NDUFAF2: variants seen among roughly 807,000 people sequenced by gnomAD.
The protein encoded by NDUFAF2 is NADH:ubiquinone oxidoreductase complex assembly factor 2.
Under a neutral mutation model 22.8 loss-of-function variants are expected in NDUFAF2, and 13 were observed. That is an observed-to-expected ratio of 0.57 (90% CI 0.37 to 0.91). The LOEUF (loss-of-function observed/expected upper bound fraction) is 0.91. NDUFAF2 is among the 40% of genes least tolerant of loss of function. The pLI is 0.01. For synonymous variants in NDUFAF2, 53 were observed against 64.2 expected (o/e 0.83, Z 0.84); for missense variants, 162 against 195.2 (o/e 0.83, Z 1.01).
chr5:61,061,078 C>T (rs2111714505), intron 1 of NDUFAF2, among the ~76,000 whole-genome samples: 1 of 152,220 alleles, frequency 6.6e-6, no homozygotes, highest in Middle Eastern at 3.4e-3. Flanking sequence ...TACAGGGTCA[C>T]TGAAACCCTA....
At chr5:61,029,555 T>C (rs1751697678) in intron 1 of NDUFAF2, among the ~76,000 whole-genome samples, 1 of 152,170 alleles carries the variant, frequency 6.6e-6, no homozygotes, top group African/African-American at 2.4e-5. Flanking sequence ...GCATTTTTTT[T>C]CCTGGCTCTG....
At chr5:61,111,749 G>A (rs1208424334) in intron 3 of NDUFAF2, among the ~76,000 whole-genome samples, 3 of 152,000 alleles carry the variant, frequency 2.0e-5, no homozygotes, top group East Asian at 1.9e-4. Context: ...CTCCTGAGTA[G>A]CTGGGACTAC....
intron 1 of NDUFAF2, among the ~76,000 whole-genome samples, chr5:61,010,591 A>G (rs147426473): frequency 6.6e-6 from 1 of 151,994 alleles, no homozygotes; most frequent in African/African-American, 2.4e-5. Flanking sequence ...ATATGTTCTC[A>G]TAGTTCTTTT....
Position 61,152,706 on chromosome 5 carries a change from A to G in NDUFAF2, c.261A>G (p.Glu87=). ...RTRKTPPTME[E]ILKNEKHREE... ...CTTCCATTTATATATACATGCAGGA[A>G]ATACTAAAGAATGAAAAACACAGAG... Residue 87 remains glutamate, a splice_region_variant and synonymous_variant, in exon 4 of 4, where the codon GAA becomes GAG. Coordinates refer to ENST00000296597, the MANE Select transcript of NDUFAF2 (RefSeq NM_174889.5). 2.6e-6 allele frequency: 4 copies of G among 1,550,806 alleles called. No individual in the cohort carries two copies. The highest frequency in any genetic ancestry group is 1.2e-5 in the South Asian group (1 of 80,904).
intron 1 of NDUFAF2, among the ~76,000 whole-genome samples, chr5:60,980,814 C>G (rs1259759997): frequency 5.9e-5 from 9 of 151,826 alleles, no homozygotes; most frequent in Non-Finnish European, 1.3e-4. Flanking sequence ...GCATCAGAGT[C>G]TATTAACAGC....
At chr5:61,133,993 C>T (rs1003510661) in intron 3 of NDUFAF2, among the ~76,000 whole-genome samples, 7 of 152,036 alleles carry the variant, frequency 4.6e-5, no homozygotes, top group African/African-American at 1.7e-4. Context: ...ATTTATAGGG[C>T]TATTTGTAAT....
intron 1 of NDUFAF2, among the ~76,000 whole-genome samples, chr5:60,961,924 G>T (rs1188281205): frequency 6.6e-6 from 1 of 151,152 alleles, no homozygotes. Context: ...TTGCATCACT[G>T]CACTCCAGCC....
chr5:61,136,045 A>ATATAT, intron 3 of NDUFAF2, among the ~76,000 whole-genome samples: 1 of 119,390 alleles, frequency 8.4e-6, no homozygotes, highest in African/African-American at 3.3e-5. Context: ...ATATATATCT[A>ATATAT]GGGTGGATTG....
At chr5:61,021,900 C>A (rs1751588431) in intron 1 of NDUFAF2, among the ~76,000 whole-genome samples, 1 of 152,090 alleles carries the variant, frequency 6.6e-6, no homozygotes, top group Non-Finnish European at 1.5e-5. Context: ...TTGGTAAGTC[C>A]ACAATCTGCA....
At chr5:61,007,904 A>C (rs529516488) in intron 1 of NDUFAF2, among the ~76,000 whole-genome samples, 1 of 152,188 alleles carries the variant, frequency 6.6e-6, no homozygotes, top group Non-Finnish European at 1.5e-5. Flanking sequence ...AACGAAGCCA[A>C]AGGTCCAACA....
In NDUFAF2 at chr5:61,150,298, G is replaced by T. The variant is rs1741211610; in HGVS notation, c.259-2406G>T. Among the ~76,000 whole-genome samples, 3 of 151,954 alleles carry T rather than the reference G, an allele frequency of 2.0e-5. No homozygotes were observed. The South Asian group carries it at 6.2e-4, about 32-fold the overall frequency. Reference sequence around the variant, plus strand: ...AATGATTTATGTTCTGTTTAATTTTGCCTGGTACCAGTTATGTTTTTGGTA... The same window carrying T: ...AATGATTTATGTTCTGTTTAATTTTTCCTGGTACCAGTTATGTTTTTGGTA... On this transcript the variant is annotated intron_variant, in intron 3 of 3. Transcript: ENST00000296597.
At chr5:61,003,769 C>T (rs946389735) in intron 1 of NDUFAF2, among the ~76,000 whole-genome samples, 2 of 151,418 alleles carry the variant, frequency 1.3e-5, no homozygotes, top group African/African-American at 4.9e-5. Context: ...TTCCTTCTCC[C>T]ATTTCAGCCT....
chr5:60,975,316 T>A (rs951953287), intron 1 of NDUFAF2, among the ~76,000 whole-genome samples: 1 of 152,084 alleles, frequency 6.6e-6, no homozygotes, highest in Admixed American at 6.5e-5. Context: ...GATTTAAGAA[T>A]GATTCTAAGG....
chr5:60,980,647 C>T (rs1580077474), intron 1 of NDUFAF2, among the ~76,000 whole-genome samples: 1 of 152,068 alleles, frequency 6.6e-6, no homozygotes, highest in African/African-American at 2.4e-5. Flanking sequence ...GTGGCACATG[C>T]CCATAGTCCC....
At chr5:60,962,214 G>T (rs1750697671) in intron 1 of NDUFAF2, among the ~76,000 whole-genome samples, 1 of 150,886 alleles carries the variant, frequency 6.6e-6, no homozygotes, top group African/African-American at 2.4e-5. Context: ...TTTAACATAG[G>T]TTTTCTGACA....
chr5:61,034,862 G>A (rs1056752029), intron 1 of NDUFAF2, among the ~76,000 whole-genome samples: 1 of 151,644 alleles, frequency 6.6e-6, no homozygotes, highest in African/African-American at 2.4e-5. Flanking sequence ...TTTTATATGT[G>A]AATTCATGTA....
chr5:61,003,645 CTT>C lies in NDUFAF2; in HGVS notation c.127+58283_127+58284del, dbSNP rs33941286. On this transcript the variant is annotated intron_variant, in intron 1 of 3. Coordinates refer to ENST00000296597, the MANE Select transcript of NDUFAF2 (RefSeq NM_174889.5). ...GGGTTTCTTTGAAAAAAAATCTATA[CTT>C]TTTTTTTTTTTTTTTTTTTAAGAGA... Among the ~76,000 whole-genome samples the C allele has an allele frequency of 4.3e-3, 526 of 121,726 alleles. 4 individuals are homozygous for C. The highest frequency in any genetic ancestry group is 0.013 in the African/African-American group (434 of 32,434). The allele number at this position is 121,726 out of a possible 152,430, so 79.9% of individuals were successfully genotyped here.
At chr5:60,977,992 A>G (rs1163594440) in intron 1 of NDUFAF2, among the ~76,000 whole-genome samples, 1 of 152,186 alleles carries the variant, frequency 6.6e-6, no homozygotes, top group East Asian at 1.9e-4. Flanking sequence ...AATCATAATA[A>G]GGAAAGAGGT....
At chr5:60,974,042 G>GA (rs1750869249) in intron 1 of NDUFAF2, among the ~76,000 whole-genome samples, 1 of 152,172 alleles carries the variant, frequency 6.6e-6, no homozygotes, top group African/African-American at 2.4e-5. Flanking sequence ...AGGATGCAAG[G>GA]TATTGTTCTT....
Sources: allele counts gnomAD v4.1 joint callset (sites outside exome capture counted in the v4.1 genomes callset), GRCh38; gene constraint gnomAD v4.1.1; transcripts MANE v1.5; gene names NCBI Gene and HGNC (gene_info 2026-07-23, HGNC 2026-07-21).